The following GADL1 variants were observed in gnomAD, a reference collection of about 807,000 sequenced individuals.
GADL1 encodes GAD like acidic amino acid decarboxylase 1.
Under a neutral mutation model 69.5 loss-of-function variants are expected in GADL1, and 71 were observed. The observed-to-expected ratio is 1.02, with a 90% CI of 0.84 to 1.25. GADL1 has a LOEUF of 1.25. Ranked by LOEUF, GADL1 falls within the 50% of genes most tolerant of loss-of-function variation. The probability of loss-of-function intolerance (pLI) is 0.00; values close to 1 mark genes in which losing one functional copy is unlikely to be tolerated. For missense variants in GADL1, 737 were observed against 631.8 expected (o/e 1.17, Z -1.79); for synonymous variants, 254 against 214.4 (o/e 1.18, Z -1.62).
intron 14 of GADL1, among the ~76,000 whole-genome samples, chr3:30,772,372 CAAAAT>C (rs1159952599): frequency 2.6e-5 from 4 of 152,052 alleles, no homozygotes; most frequent in African/African-American, 9.7e-5. Context: ...GAAATATTGA[CAAAAT>C]AAGAAATATT....
At chr3:30,800,758 C>T in intron 12 of GADL1, 131 bp downstream of exon 12, 1 of 721,390 alleles carries the variant, frequency 1.4e-6, no homozygotes, top group Non-Finnish European at 2.3e-6. Flanking sequence ...ACTTGCAACA[C>T]ATTTCAAGTA....
At chr3:30,870,197 G>A (rs1698461104) in intron 1 of GADL1, among the ~76,000 whole-genome samples, 1 of 151,812 alleles carries the variant, frequency 6.6e-6, no homozygotes, top group Non-Finnish European at 1.5e-5. Context: ...AGGCTATAAT[G>A]TTCTAAAGGA....
At chr3:30,773,132 A>C (rs1360875484) in intron 14 of GADL1, among the ~76,000 whole-genome samples, 1 of 152,228 alleles carries the variant, frequency 6.6e-6, no homozygotes, top group African/African-American at 2.4e-5. Flanking sequence ...AGAGTGGTAC[A>C]ATAAGAAAAG....
chr3:30,869,770 A>G (rs1407145189), intron 1 of GADL1, among the ~76,000 whole-genome samples: 6 of 151,856 alleles, frequency 4.0e-5, no homozygotes, highest in Non-Finnish European at 8.8e-5. Flanking sequence ...GTCATAAAAT[A>G]TTGAATTGCT....
chr3:30,753,483 AAAC>A (rs1181425623), intron 14 of GADL1, among the ~76,000 whole-genome samples: 22 of 146,776 alleles, frequency 1.5e-4, no homozygotes, highest in African/African-American at 5.4e-4. Context: ...CAATCCTAAA[AAAC>A]CAAATTTAAG....
rs1183063227 is a variant in GADL1, at chr3:30,857,018, T to C, written c.334A>G (p.Thr112Ala). Reference protein sequence around the residue: ...CRDVIHYSVKTNHPRFFNQLY... With the variant: ...CRDVIHYSVKANHPRFFNQLY... The stretch of plus-strand genomic sequence containing the variant: ...GGAAGTAAATTAAAGTTCTTACTAG[T>C]TTTGACACTGTAGTGTATGACATCC... The change falls in exon 3 of 15, where the codon ACT becomes GCT. Residue 112 changes from threonine to alanine, a missense_variant. Transcript: ENST00000282538. The C allele has an allele frequency of 6.5e-7, 1 of 1,549,356 alleles. No individual in the cohort carries two copies. The highest frequency in any genetic ancestry group is 8.7e-7 in the Non-Finnish European group (1 of 1,145,256).
At chr3:30,759,245 T>C (rs1393726276) in intron 14 of GADL1, among the ~76,000 whole-genome samples, 1 of 136,548 alleles carries the variant, frequency 7.3e-6, no homozygotes, top group Non-Finnish European at 1.7e-5. Context: ...CTCACAATGA[T>C]TATGTAAATC....
chr3:30,853,840 A>G (rs1427387548), intron 4 of GADL1, among the ~76,000 whole-genome samples: 2 of 152,124 alleles, frequency 1.3e-5, no homozygotes, highest in African/African-American at 2.4e-5. Context: ...GACTAAAGTA[A>G]TGCCCTCCTA....
rs543023690 is a variant in GADL1 at position 30,762,855 on chromosome 3, C to T, written c.1392+15324G>A. 1.5e-4 allele frequency among the ~76,000 whole-genome samples: 23 copies of T among 152,176 alleles called. No homozygotes were observed. In the East Asian group the frequency reaches 3.7e-3, roughly 24 times the overall value. Reference sequence around the variant, plus strand: ...ACATGTGATGTTAGTCTTTCTTTTCCTTGCTTTATTTCACTTAACATTACA... The same window carrying T: ...ACATGTGATGTTAGTCTTTCTTTTCTTTGCTTTATTTCACTTAACATTACA... On this transcript the variant is annotated intron_variant, in intron 14 of 14. Coordinates refer to ENST00000282538, the MANE Select transcript of GADL1 (RefSeq NM_207359.3).
chr3:30,795,253 T>C (rs1390454726), intron 12 of GADL1, among the ~76,000 whole-genome samples: 1 of 152,140 alleles, frequency 6.6e-6, no homozygotes, highest in East Asian at 1.9e-4. Context: ...ATGGGAAATA[T>C]CTTGACCCTG....
intron 14 of GADL1, among the ~76,000 whole-genome samples, chr3:30,759,999 T>G (rs1696089403): frequency 6.6e-6 from 1 of 152,208 alleles, no homozygotes; most frequent in Non-Finnish European, 1.5e-5. Flanking sequence ...CAGCCTAAAT[T>G]AGCTACCTAA....
chr3:30,741,999 T>A (rs1290865326), intron 14 of GADL1, among the ~76,000 whole-genome samples: 1 of 152,178 alleles, frequency 6.6e-6, no homozygotes, highest in Non-Finnish European at 1.5e-5. Context: ...GGAGAGGCTT[T>A]CCTGTAGGTG....
At position 30,726,767 on chromosome 3, in the gene GADL1, A is replaced by T. The variant is rs1472233548; in HGVS notation, c.*1475T>A. On this transcript the variant is annotated 3_prime_UTR_variant, in exon 15 of 15. Transcript: ENST00000282538. ...TATATTCATAATCTTATCTTGGTGA[A>T]CTCTACACCCACACCTATGAATTCT... The T allele has an allele frequency of 6.6e-6, 1 of 152,120 alleles. No homozygotes were observed. The highest frequency in any genetic ancestry group is 1.5e-5 in the Non-Finnish European group (1 of 68,010). 9.4% of individuals were successfully genotyped at this position (152,120 alleles called of 1,614,324 possible). A position where few individuals can be genotyped will look rare whatever the true frequency, so the allele number is the denominator to read the frequency against.
chr3:30,806,699 G>A (rs1212587212), intron 11 of GADL1, among the ~76,000 whole-genome samples: 1 of 152,136 alleles, frequency 6.6e-6, no homozygotes, highest in Admixed American at 6.5e-5. Context: ...TTAGAGGTGT[G>A]AGAGATGGCT....
At chr3:30,873,053 T>G (rs902838388) in intron 1 of GADL1, among the ~76,000 whole-genome samples, 4 of 151,946 alleles carry the variant, frequency 2.6e-5, no homozygotes, top group African/African-American at 9.7e-5. Flanking sequence ...GTGTGTATAG[T>G]GCAGTCATAG....
intron 14 of GADL1, among the ~76,000 whole-genome samples, chr3:30,754,910 A>G (rs954151706): frequency 2.0e-5 from 3 of 152,012 alleles, no homozygotes; most frequent in South Asian, 2.1e-4. Flanking sequence ...TAAATTATTC[A>G]GTAACTTGAT....
chr3:30,756,696 C>T (rs9681798), intron 14 of GADL1, among the ~76,000 whole-genome samples: 227 of 152,318 alleles, frequency 1.5e-3, no homozygotes, highest in African/African-American at 5.0e-3. Context: ...AAGTAGAGAT[C>T]ATGCGGAGGA....
At chr3:30,861,965 C>T (rs1256155555) in intron 1 of GADL1, among the ~76,000 whole-genome samples, 200 bp from the exon 2 acceptor site, 3 of 151,860 alleles carry the variant, frequency 2.0e-5, no homozygotes, top group African/African-American at 7.3e-5. Context: ...AAAGAAAGCT[C>T]ACAATTTATG....
intron 14 of GADL1, among the ~76,000 whole-genome samples, chr3:30,760,537 C>T (rs1279017925): frequency 2.6e-5 from 4 of 152,152 alleles, no homozygotes; most frequent in African/African-American, 9.7e-5. Context: ...ATATTTCCTT[C>T]TGTTTCCTCT....
Sources: allele counts gnomAD v4.1 joint callset (sites outside exome capture counted in the v4.1 genomes callset), GRCh38; gene constraint gnomAD v4.1.1; transcripts MANE v1.5; gene names NCBI Gene and HGNC (gene_info 2026-07-23, HGNC 2026-07-21).